The following MAP9 variants were observed in gnomAD, a reference collection of about 807,000 sequenced individuals.
MAP9 encodes microtubule associated protein 9, also known as microtubule-associated protein 9.
Under a neutral mutation model 75.2 loss-of-function variants are expected in MAP9, and 80 were observed. The observed-to-expected ratio is 1.06, with a 90% CI of 0.89 to 1.28. The LOEUF (loss-of-function observed/expected upper bound fraction) is 1.28, where lower values mean the gene tolerates loss of function less well. Ranked by LOEUF, MAP9 falls within the 50% of genes most tolerant of loss-of-function variation. The pLI, the probability that MAP9 is intolerant of heterozygous loss-of-function variation, is 0.00. For synonymous variants in MAP9, 235 were observed against 237.3 expected (o/e 0.99, Z 0.09); for missense variants, 753 against 719.9 (o/e 1.05, Z -0.53).
At chr4:155,362,832 A>C (rs1732151370) in intron 5 of MAP9, 1 of 152,170 alleles carries the variant, frequency 6.6e-6, no homozygotes, top group East Asian at 1.9e-4. Context: ...TATGGGTGCA[A>C]AGGAAATTAT....
At chr4:155,352,792 A>C in intron 12 of MAP9, 64 bp from the exon 13 acceptor site, 1 of 1,434,370 alleles carries the variant, frequency 7.0e-7, no homozygotes. Flanking sequence ...ATTCCCTAGT[A>C]CATCTTTGAC....
chr4:155,345,134 C>T lies in MAP9; in HGVS notation c.*2649G>A, dbSNP rs1413625479. The T allele has an allele frequency of 1.3e-5, 2 of 151,988 alleles. No individual in the cohort carries two copies. Among genetic ancestry groups the T allele is most frequent in the African/African-American group, 2.4e-5 (1 of 41,496 alleles). The allele number at this position is 151,988 out of a possible 1,614,324, so 9.4% of individuals were successfully genotyped here. A position where few individuals can be genotyped will look rare whatever the true frequency, so the allele number is the denominator to read the frequency against. ...TAAATGTATATTCAAGAGAATATTA[C>T]CAAGCTTGATTCTCTCCCTTGGATC... On this transcript the variant is annotated 3_prime_UTR_variant, in exon 14 of 14. Transcript: ENST00000311277.
intron 4 of MAP9, chr4:155,372,917 A>G: frequency 2.7e-6 from 1 of 367,300 alleles, no homozygotes; most frequent in Non-Finnish European, 4.8e-6. Context: ...AACAGCCTAG[A>G]TGCAAGACAA....
In MAP9 at chr4:155,342,854, A is replaced by G. The variant is rs1020556292; in HGVS notation, c.*4929T>C. The G allele has an allele frequency of 1.3e-5, 2 of 151,994 alleles. No homozygotes were observed. Among genetic ancestry groups the G allele is most frequent in the African/African-American group, 4.8e-5 (2 of 41,418 alleles). The allele number at this position is 151,994 out of a possible 1,614,324, so 9.4% of individuals were successfully genotyped here. On this transcript the variant is annotated 3_prime_UTR_variant, in exon 14 of 14. Coordinates refer to ENST00000311277, the MANE Select transcript of MAP9 (RefSeq NM_001039580.2). ...CTGATATTGTAATACTAGATACAAG[A>G]TGTCTGAATAACTCCTTACATTTAT...
At chr4:155,352,190 T>C (rs1731541680) in intron 13 of MAP9, 1 of 165,624 alleles carries the variant, frequency 6.0e-6, no homozygotes, top group Non-Finnish European at 1.3e-5. Context: ...GAATAAAAGA[T>C]GGAATAATTT....
At chr4:155,374,916 C>T (rs767210532) in intron 3 of MAP9, 21 bp downstream of exon 3, 10 of 1,480,394 alleles carry the variant, frequency 6.8e-6, no homozygotes, top group Non-Finnish European at 8.3e-6. Flanking sequence ...AAGTGGTTCA[C>T]GTTTCCATAC....
At chr4:155,352,867 T>C in intron 12 of MAP9, 45 bp downstream of exon 12, 1 of 1,440,620 alleles carries the variant, frequency 6.9e-7, no homozygotes, top group Non-Finnish European at 9.4e-7. Context: ...CCTGAAGTGT[T>C]ACTATAATTT....
intron 7 of MAP9, among the ~76,000 whole-genome samples, chr4:155,358,130 G>A (rs749021451): frequency 6.6e-6 from 1 of 152,206 alleles, no homozygotes; most frequent in Non-Finnish European, 1.5e-5. Flanking sequence ...TCATTCAGTA[G>A]AGAGTAAGAA....
chr4:155,350,687 CTTATT>C (rs1731475296), intron 13 of MAP9, among the ~76,000 whole-genome samples: 1 of 151,754 alleles, frequency 6.6e-6, no homozygotes, highest in African/African-American at 2.4e-5. Context: ...TTTTGATTAC[CTTATT>C]TTATTACTAT....
chr4:155,356,057 T>C (rs1184954704), intron 8 of MAP9, among the ~76,000 whole-genome samples, 173 bp from the exon 9 acceptor site: 1 of 152,102 alleles, frequency 6.6e-6, no homozygotes, highest in Non-Finnish European at 1.5e-5. Context: ...GCTCATCCTG[T>C]TGGGCTGTTG....
chr4:155,356,436 T>C (rs1205228805), intron 8 of MAP9, among the ~76,000 whole-genome samples: 1 of 152,208 alleles, frequency 6.6e-6, no homozygotes, highest in African/African-American at 2.4e-5. Flanking sequence ...CTTTAAGTTA[T>C]ATAGCTTTAA....
At chr4:155,366,535 G>T (rs1366095008) in intron 5 of MAP9, among the ~76,000 whole-genome samples, 1 of 152,072 alleles carries the variant, frequency 6.6e-6, no homozygotes, top group Non-Finnish European at 1.5e-5. Context: ...TGACAAAGCC[G>T]AAGTGGTTCT....
At chr4:155,348,640 T>C (rs561138874) in intron 13 of MAP9, among the ~76,000 whole-genome samples, 5 of 152,144 alleles carry the variant, frequency 3.3e-5, no homozygotes, top group Admixed American at 6.5e-5. Context: ...CTCATGTTTC[T>C]TTATTATTGA....
intron 13 of MAP9, among the ~76,000 whole-genome samples, chr4:155,348,934 C>T (rs953402403): frequency 2.8e-4 from 43 of 151,900 alleles, no homozygotes; most frequent in African/African-American, 1.0e-3. Context: ...TTTTAAAATC[C>T]CAACACACAG....
rs752515072 is a variant in MAP9, at chr4:155,353,199, T to A, written c.1522A>T (p.Arg508Ter). Residue 508 changes from arginine (R) to a stop codon, truncating the protein, a stop_gained, in exon 11 of 14, where the codon AGA becomes TGA. Coordinates refer to ENST00000311277, the MANE Select transcript of MAP9 (RefSeq NM_001039580.2). LOFTEE classifies it high-confidence loss of function. ...KKKTEEENAA[R>*]KGEALQAFEK... ...AATACTTGTAGTGCTTCTCCTTTTC[T>A]TGCAGCATTTTCTTCTTCAGTTTTC... 19 of 1,596,388 alleles carry A rather than the reference T, an allele frequency of 1.2e-5. No individual in the cohort carries two copies. Among genetic ancestry groups the A allele is most frequent in the Non-Finnish European group, 1.5e-5 (18 of 1,173,876 alleles).
At chr4:155,351,633 A>C (rs992028734) in intron 13 of MAP9, among the ~76,000 whole-genome samples, 8 of 151,910 alleles carry the variant, frequency 5.3e-5, no homozygotes, top group African/African-American at 1.4e-4. Flanking sequence ...AGGAAAAAAA[A>C]CCAACAATCT....
At position 155,347,771 on chromosome 4, in the gene MAP9, G is replaced by A; in HGVS notation, c.*12C>T. On this transcript the variant is annotated 3_prime_UTR_variant, in exon 14 of 14. Transcript: ENST00000311277. ...ACCGATAAATAACCAAATAATGTAAGAACTAGAATTATCAAAACACTTTTG... is the reference window on the plus strand; with the variant it reads ...ACCGATAAATAACCAAATAATGTAAAAACTAGAATTATCAAAACACTTTTG... The A allele has an allele frequency of 6.3e-7, 1 of 1,586,096 alleles. No homozygotes were observed. Among genetic ancestry groups the A allele is most frequent in the Non-Finnish European group, 8.5e-7 (1 of 1,169,790 alleles).
intron 4 of MAP9, among the ~76,000 whole-genome samples, chr4:155,371,508 T>C (rs752023222): frequency 1.4e-5 from 2 of 147,186 alleles, no homozygotes; most frequent in East Asian, 4.3e-4. Context: ...AGAAGTACTG[T>C]CAAGTTCCCA....
Position 155,355,753 on chromosome 4 carries a change from G to T in MAP9, c.1253C>A (p.Pro418His). The T allele has an allele frequency of 6.2e-7, 1 of 1,613,646 alleles. No individual in the cohort carries two copies. The change falls in exon 9 of 14, where the codon CCT becomes CAT. Residue 418 changes from proline (P) to histidine (H), a missense_variant. Pro to His is a moderately conservative substitution (Grantham distance 77, BLOSUM62 -2). Coordinates refer to ENST00000311277, the MANE Select transcript of MAP9 (RefSeq NM_001039580.2). Reference sequence around the variant, plus strand: ...TGCCCTTATGTTATCTGCTCTATCAGGTTCTATGCTCTGTTTCTGTGAAGG... The same window carrying T: ...TGCCCTTATGTTATCTGCTCTATCATGTTCTATGCTCTGTTTCTGTGAAGG... ...QKPSQKQSIE[P>H]DRADNIRAAV...
Sources: gnomAD v4.1 joint callset for allele counts (sites outside exome capture counted in the v4.1 genomes callset) on GRCh38, gnomAD v4.1.1 for gene constraint, MANE v1.5 for transcripts, NCBI Gene and HGNC (gene_info 2026-07-23, HGNC 2026-07-21) for gene names.